The following URB1 variants were observed in gnomAD, a reference collection of about 807,000 sequenced individuals.
URB1 encodes URB1 ribosome biogenesis factor.
A neutral mutation model predicts 242.3 loss-of-function variants in URB1; 197 were observed. The ratio of observed to expected loss-of-function variants is 0.81; its 90% CI spans 0.72 to 0.91. The LOEUF is 0.91. URB1 is among the 40% of genes least tolerant of loss of function. URB1 has a pLI of 0.00. For synonymous variants in URB1, 1,153 were observed against 1,201.8 expected (o/e 0.96, Z 0.84); for missense variants, 2,721 against 2,860.5 (o/e 0.95, Z 1.11).
rs1240088824 is a variant in URB1, at chr21:32,317,909, A to G, written c.5801T>C (p.Leu1934Ser). Residue 1934 changes from leucine to serine, a missense_variant, in exon 37 of 39, where the codon TTG becomes TCG. Transcript: ENST00000382751. Reference sequence around the variant, plus strand: ...GAAGTTGGTCAGCTGGACGGGGGCCAAGGTGGGCCTGTTTGGGAGTCAATG... The same window carrying G: ...GAAGTTGGTCAGCTGGACGGGGGCCGAGGTGGGCCTGTTTGGGAGTCAATG... ...IVLMKHLRPTLAPVQLTNFFG... is the reference protein window; with the variant it reads ...IVLMKHLRPTSAPVQLTNFFG... The G allele has an allele frequency of 2.6e-6, 4 of 1,551,686 alleles. No individual in the cohort carries two copies. The highest frequency in any genetic ancestry group is 3.5e-6 in the Non-Finnish European group (4 of 1,146,980).
chr21:32,353,493 A>C (rs1409043896), intron 18 of URB1, among the ~76,000 whole-genome samples: 3 of 152,178 alleles, frequency 2.0e-5, no homozygotes, highest in Non-Finnish European at 4.4e-5. Context: ...ACTACTGACA[A>C]GTCAGGGCTT....
At chr21:32,375,750 GCCTGGGCAATATAGCAAGAC>G (rs938249847) in intron 5 of URB1, among the ~76,000 whole-genome samples, 1 of 151,932 alleles carries the variant, frequency 6.6e-6, no homozygotes, top group African/African-American at 2.4e-5. Flanking sequence ...TTCAAGACCA[GCCTGGGCAATATAGCAAGAC>G]CCTGTCTCCA....
intron 7 of URB1, 64 bp downstream of exon 7, chr21:32,373,583 C>G: frequency 6.8e-7 from 1 of 1,475,354 alleles, no homozygotes; most frequent in Non-Finnish European, 9.0e-7. Context: ...AGAATTCTCC[C>G]TCTCCCAACC....
At position 32,373,670 on chromosome 21, in the gene URB1, C is replaced by T. The variant is rs1568829676; in HGVS notation, c.853G>A (p.Asp285Asn). 8 of 1,541,210 alleles carry T rather than the reference C, an allele frequency of 5.2e-6. No individual in the cohort carries two copies. The highest frequency in any genetic ancestry group is 1.2e-5 in the South Asian group (1 of 81,664). The stretch of plus-strand genomic sequence containing the variant: ...ACCTTGACATTTTCTGGGTTCACAT[C>T]GGTAATCCCATTCCAGTTGTACAGC... ...ASLYNWNGIT[D>N]VNPENVKVSA... Residue 285 changes from aspartate (D) to asparagine (N), a missense_variant, in exon 7 of 39, where the codon GAT (aspartate) becomes AAT (asparagine). By Grantham distance (23) the Asp-to-Asn change is conservative. Transcript: ENST00000382751.
Position 32,373,774 on chromosome 21 carries a change from T to C in URB1, c.751-2A>G, listed in dbSNP as rs1458068670. Reference sequence around the variant, plus strand: ...TGTGATATTTTTATTGTGAACTACCTGAAACAATAATAAAACAAATTATTA... The same window carrying C: ...TGTGATATTTTTATTGTGAACTACCCGAAACAATAATAAAACAAATTATTA... On this transcript the variant is annotated splice_acceptor_variant, in intron 6 of 38. Transcript: ENST00000382751. LOFTEE classifies it high-confidence loss of function. 4.6e-6 allele frequency: 7 copies of C among 1,514,698 alleles called. No homozygotes were observed. The highest frequency in any genetic ancestry group is 6.2e-6 in the Non-Finnish European group (7 of 1,136,142). 93.8% of individuals were successfully genotyped at this position (1,514,698 alleles called of 1,614,324 possible).
intron 35 of URB1, 98 bp downstream of exon 35, chr21:32,320,433 G>T: frequency 1.1e-6 from 1 of 908,154 alleles, no homozygotes; most frequent in Non-Finnish European, 1.7e-6. Flanking sequence ...GGATTTTACT[G>T]GACATTTCCA....
intron 2 of URB1, among the ~76,000 whole-genome samples, chr21:32,384,952 G>T (rs1318461880): frequency 1.3e-5 from 2 of 152,066 alleles, no homozygotes; most frequent in Non-Finnish European, 2.9e-5. Flanking sequence ...CTGCACTCCA[G>T]CCTGGGCAAC....
At chr21:32,385,211 T>C (rs2146055822) in intron 2 of URB1, among the ~76,000 whole-genome samples, 1 of 152,350 alleles carries the variant, frequency 6.6e-6, no homozygotes, top group South Asian at 2.1e-4. Context: ...CAATCATCAA[T>C]TCATTATGTG....
intron 5 of URB1, chr21:32,377,275 C>T (rs753922263): frequency 1.9e-6 from 1 of 515,752 alleles, no homozygotes; most frequent in East Asian, 5.5e-5. Context: ...GCATGGGGTA[C>T]TATGAGAGGT....
chr21:32,318,689 T>G (rs747808293), intron 36 of URB1, among the ~76,000 whole-genome samples: 1 of 152,190 alleles, frequency 6.6e-6, no homozygotes, highest in South Asian at 2.1e-4. Context: ...CATGGTAGAA[T>G]TGGAGGGAAA....
At chr21:32,378,651 C>G in intron 4 of URB1, 110 bp from the exon 5 acceptor site, 2 of 834,620 alleles carry the variant, frequency 2.4e-6, no homozygotes, top group Non-Finnish European at 3.9e-6. Flanking sequence ...CACCAGCCCC[C>G]CAGCCTTGTC....
At position 32,370,927 on chromosome 21, in the gene URB1, T is replaced by G. The variant is rs150787688; in HGVS notation, c.1001+1580A>C. 5.2e-3 allele frequency among the ~76,000 whole-genome samples: 786 copies of G among 152,342 alleles called. 6 individuals are homozygous for G. Among genetic ancestry groups the G allele is most frequent in the Middle Eastern group, 0.01 (3 of 294 alleles). Reference sequence around the variant, plus strand: ...ACCTACTATGTGCCAGGCACTGTCCTAGGGACTGGAGGCCCATAATAGACC... The same window carrying G: ...ACCTACTATGTGCCAGGCACTGTCCGAGGGACTGGAGGCCCATAATAGACC... On this transcript the variant is annotated intron_variant, in intron 8 of 38. Coordinates refer to ENST00000382751, the MANE Select transcript of URB1 (RefSeq NM_014825.3).
rs1341395026 is a variant in URB1, at chr21:32,375,454, T to A, written c.694A>T (p.Ile232Leu). ...ATGGTAGAGATCCTATCTTCCTTTA[T>A]CCCTGAGCTAAAAATGCAAGGAATA... ...EFIPCIFSSG[I>L]KEDRISTINI... Residue 232 changes from isoleucine to leucine, a missense_variant, in exon 6 of 39, where the codon ATA becomes TTA. Ile to Leu is a conservative substitution (Grantham distance 5). Coordinates refer to ENST00000382751, the MANE Select transcript of URB1 (RefSeq NM_014825.3). 2.0e-6 allele frequency: 3 copies of A among 1,536,852 alleles called. No individual in the cohort carries two copies.
chr21:32,319,837 A>G (rs1200843929), intron 35 of URB1, among the ~76,000 whole-genome samples: 1 of 152,226 alleles, frequency 6.6e-6, no homozygotes, highest in Non-Finnish European at 1.5e-5. Context: ...GTACTTGGAT[A>G]TATTAGTTTC....
At position 32,385,548 on chromosome 21, in the gene URB1, A is replaced by G; in HGVS notation, c.279T>C (p.Ser93=). 2 of 1,552,078 alleles carry G rather than the reference A, an allele frequency of 1.3e-6. No homozygotes were observed. The highest frequency in any genetic ancestry group is 1.7e-6 in the Non-Finnish European group (2 of 1,147,058). Residue 93 remains serine, a synonymous_variant, in exon 2 of 39, where the codon AGT becomes AGC. Transcript: ENST00000382751. The stretch of plus-strand genomic sequence containing the variant: ...AGCCATGTAAGGAACAACTTACTTC[A>G]CTTTCAGGTCGTTTCTCTCCACTTA... ...QLLSGEKRPE[S]ETMLIFQVFE...
At position 32,324,967 on chromosome 21, in the gene URB1, G is replaced by C. The variant is rs1296346033; in HGVS notation, c.5121+262C>G. 3.9e-5 allele frequency among the ~76,000 whole-genome samples: 6 copies of C among 152,122 alleles called. No individual in the cohort carries two copies. The East Asian group carries it at 1.2e-3, about 29-fold the overall frequency. ...TAGACCAAAGAAATACTCAGTAGAA[G>C]TCATATAATTTTGTCTACACACAAC... On this transcript the variant is annotated intron_variant, in intron 31 of 38. Transcript: ENST00000382751.
At chr21:32,355,226 T>C (rs758133922) in intron 16 of URB1, among the ~76,000 whole-genome samples, 5 of 152,178 alleles carry the variant, frequency 3.3e-5, no homozygotes, top group Non-Finnish European at 7.4e-5. Flanking sequence ...TATTCCCCTA[T>C]GCAAAAACAA....
intron 11 of URB1, 27 bp downstream of exon 11, chr21:32,363,129 A>C (rs1171743761): frequency 6.5e-7 from 1 of 1,542,412 alleles, no homozygotes; most frequent in East Asian, 2.5e-5. Flanking sequence ...GTCTGGAAGG[A>C]AAGCCCAAAC....
Position 32,334,204 on chromosome 21 carries a change from T to TG in URB1, c.4815dup (p.Ile1606HisfsTer30), listed in dbSNP as rs752012967. 6.4e-7 allele frequency: 1 copy of TG among 1,551,164 alleles called. No homozygotes were observed. The highest frequency in any genetic ancestry group is 8.7e-7 in the Non-Finnish European group (1 of 1,146,730). Reference sequence around the variant, plus strand: ...CTCCGGTTCTGGGGGAAGTGCAGGATGGTCTGCATCATCCGGTCCCGGTCC... The same window carrying TG: ...CTCCGGTTCTGGGGGAAGTGCAGGATGGGTCTGCATCATCCGGTCCCGGTCC... On this transcript the variant is annotated frameshift_variant, in exon 29 of 39. Coordinates refer to ENST00000382751, the MANE Select transcript of URB1 (RefSeq NM_014825.3). LOFTEE classifies it high-confidence loss of function.
Sources: gnomAD v4.1 joint callset for allele counts (sites outside exome capture counted in the v4.1 genomes callset) on GRCh38, gnomAD v4.1.1 for gene constraint, MANE v1.5 for transcripts, NCBI Gene and HGNC (gene_info 2026-07-23, HGNC 2026-07-21) for gene names.